Variants in MECOM observed in about 807,000 individuals in gnomAD.
MECOM encodes the protein histone-lysine N-methyltransferase MECOM.
In MECOM, 13 loss-of-function variants were observed where a neutral mutation model predicts 116.3. That is an observed-to-expected ratio of 0.11 (90% confidence interval 0.07 to 0.18). The LOEUF (loss-of-function observed/expected upper bound fraction) is 0.18. Ranked by LOEUF, MECOM falls within the 10% of genes least tolerant of loss-of-function variation. The pLI, the probability that MECOM is intolerant of heterozygous loss-of-function variation, is 1.00. For missense variants in MECOM, 1,299 were observed against 1,509.0 expected, an observed-to-expected ratio of 0.86 and a Z score of 2.31; for synonymous variants, 528 against 535.2, an observed-to-expected ratio of 0.99 and a Z score of 0.19.
chr3:169,213,391 T>C (rs1378149609), intron 2 of MECOM, among the ~76,000 whole-genome samples: 1 of 152,186 alleles, frequency 6.6e-6, no homozygotes, highest in Non-Finnish European at 1.5e-5. Context: ...AATTTCATCA[T>C]GTTTTGGCTT....
intron 10 of MECOM, among the ~76,000 whole-genome samples, chr3:169,105,823 T>C (rs1725223983): frequency 6.6e-6 from 1 of 152,258 alleles, no homozygotes; most frequent in Non-Finnish European, 1.5e-5. Context: ...TGACGCAAAC[T>C]AATATTTAGA....
At chr3:169,438,768 C>T (rs1743128061) in intron 1 of MECOM, among the ~76,000 whole-genome samples, 1 of 152,112 alleles carries the variant, frequency 6.6e-6, no homozygotes, top group South Asian at 2.1e-4. Context: ...TTCCAATATG[C>T]AGTGTTCGAT....
chr3:169,380,206 T>A (rs1412455812), intron 2 of MECOM, among the ~76,000 whole-genome samples: 2 of 152,118 alleles, frequency 1.3e-5, no homozygotes. Context: ...CATACCGAAA[T>A]AAATCCAGTT....
intron 1 of MECOM, among the ~76,000 whole-genome samples, chr3:169,656,068 G>A (rs1775509004): frequency 6.6e-6 from 1 of 152,182 alleles, no homozygotes; most frequent in African/African-American, 2.4e-5. Flanking sequence ...GTGAGAGTAG[G>A]GAACATGGTT....
chr3:169,131,578 G>GTA (rs768283874), intron 3 of MECOM, 47 bp from the exon 4 acceptor site: 4 of 1,456,306 alleles, frequency 2.7e-6, no homozygotes, highest in East Asian at 2.4e-5. Flanking sequence ...AGAGAGAGAT[G>GTA]TATATATATT....
At chr3:169,103,468 T>C (rs1724284955) in intron 10 of MECOM, among the ~76,000 whole-genome samples, 1 of 152,150 alleles carries the variant, frequency 6.6e-6, no homozygotes, top group Non-Finnish European at 1.5e-5. Flanking sequence ...CAGTGTGCCA[T>C]TAGAAAGCTC....
intron 2 of MECOM, among the ~76,000 whole-genome samples, chr3:169,354,766 G>A (rs992002627): frequency 6.6e-6 from 1 of 151,604 alleles, no homozygotes; most frequent in Admixed American, 6.6e-5. Flanking sequence ...GTTTGCATGG[G>A]CATATGTTTG....
intron 2 of MECOM, among the ~76,000 whole-genome samples, chr3:169,365,352 C>T (rs1290042111): frequency 2.0e-5 from 3 of 152,046 alleles, no homozygotes; most frequent in Admixed American, 6.6e-5. Context: ...AGTATAGTCG[C>T]TTCTCTTCAG....
At chr3:169,226,726 C>T (rs1752771207) in intron 2 of MECOM, among the ~76,000 whole-genome samples, 1 of 152,158 alleles carries the variant, frequency 6.6e-6, no homozygotes, top group African/African-American at 2.4e-5. Flanking sequence ...AAAGGGGAAT[C>T]AAAGGAGTTC....
In MECOM at chr3:169,388,964, T is replaced by C. The variant is rs192098261; in HGVS notation, c.38-7440A>G. 8.5e-4 allele frequency among the ~76,000 whole-genome samples: 130 copies of C among 152,294 alleles called. 2 individuals carry two copies. Among genetic ancestry groups the C allele is most frequent in the African/African-American group, 3.1e-3 (127 of 41,570 alleles). ...CAGAATGGAAGTATTGGGGGCAAGA[T>C]AGCAAGGGAGATGGCAAAGAATGTG... On this transcript the variant is annotated intron_variant, in intron 1 of 16. Coordinates refer to ENST00000651503, the MANE Select transcript of MECOM (RefSeq NM_004991.4).
intron 1 of MECOM, among the ~76,000 whole-genome samples, chr3:169,457,247 C>T (rs1047065605): frequency 5.9e-5 from 9 of 152,188 alleles, no homozygotes; most frequent in South Asian, 2.1e-4. Context: ...GATGGGGCAG[C>T]GCTTAGGAGA....
chr3:169,462,311 T>C (rs1404641850), intron 1 of MECOM, among the ~76,000 whole-genome samples: 1 of 152,186 alleles, frequency 6.6e-6, no homozygotes, highest in African/African-American at 2.4e-5. Context: ...AAGCTGTTGA[T>C]GAGAAAATTG....
intron 2 of MECOM, among the ~76,000 whole-genome samples, chr3:169,173,006 T>A (rs1020318038): frequency 1.3e-5 from 2 of 152,240 alleles, no homozygotes; most frequent in Non-Finnish European, 2.9e-5. Flanking sequence ...ACACAAAATG[T>A]GATTTTTCCA....
At chr3:169,308,851 T>TGTGA in intron 2 of MECOM, among the ~76,000 whole-genome samples, 1 of 152,324 alleles carries the variant, frequency 6.6e-6, no homozygotes, top group African/African-American at 2.4e-5. Context: ...ACGTCTTCCT[T>TGTGA]CTCATCCTGA....
Position 169,348,652 on chromosome 3 carries a change from C to A in MECOM, c.375+32535G>T, listed in dbSNP as rs559184587. Among the ~76,000 whole-genome samples, 23 of 152,128 alleles carry A rather than the reference C, an allele frequency of 1.5e-4. 1 individual carries two copies. The South Asian group carries it at 4.8e-3, about 32-fold the overall frequency. On this transcript the variant is annotated intron_variant, in intron 2 of 16. Transcript: ENST00000651503. The stretch of plus-strand genomic sequence containing the variant: ...GAGAAGTAAACATTTTATATGTAGA[C>A]TTCCTTGCCAGACAGCTAATGTAAA...
At chr3:169,312,229 T>G (rs1190047826) in intron 2 of MECOM, among the ~76,000 whole-genome samples, 1 of 152,158 alleles carries the variant, frequency 6.6e-6, no homozygotes, top group Non-Finnish European at 1.5e-5. Context: ...TGGCAAGAGA[T>G]GATGGTGATG....
rs1491555400 is a variant in MECOM at position 169,472,556 on chromosome 3, AAGAG to A, written c.38-91036_38-91033del. On this transcript the variant is annotated intron_variant, in intron 1 of 16. Transcript: ENST00000651503. The stretch of plus-strand genomic sequence containing the variant: ...AGAAAAGGAAAGGAAAGGAAAAGAA[AAGAG>A]AGGAGAGGAGAGGAGAGGAGAGGAA... Among the ~76,000 whole-genome samples the A allele has an allele frequency of 1.8e-3, 148 of 80,764 alleles. 1 individual carries two copies. Among genetic ancestry groups the A allele is most frequent in the Non-Finnish European group, 2.6e-3 (115 of 44,038 alleles). 53.0% of individuals were successfully genotyped at this position (80,764 alleles called of 152,430 possible). A position where few individuals can be genotyped will look rare whatever the true frequency, so the allele number is the denominator to read the frequency against.
At chr3:169,151,333 C>T (rs73167980) in intron 2 of MECOM, among the ~76,000 whole-genome samples, 10,695 of 152,192 alleles carry the variant, frequency 0.07, 486 homozygotes, top group South Asian at 0.19. Context: ...TTTTCAATAC[C>T]GTAAAGTTAA....
chr3:169,395,393 C>G (rs1734868971), intron 1 of MECOM, among the ~76,000 whole-genome samples: 1 of 152,118 alleles, frequency 6.6e-6, no homozygotes, highest in African/African-American at 2.4e-5. Context: ...CATAAATGTT[C>G]AAAAGGCATT....
Sources: allele counts gnomAD v4.1 joint callset (sites outside exome capture counted in the v4.1 genomes callset), GRCh38; gene constraint gnomAD v4.1.1; transcripts MANE v1.5; gene names NCBI Gene and HGNC (gene_info 2026-07-23, HGNC 2026-07-21).